The following KDM1B variants were observed in gnomAD, a reference collection of about 807,000 sequenced individuals.
The protein encoded by KDM1B is lysine-specific histone demethylase 2.
Under a neutral mutation model 107.4 loss-of-function variants are expected in KDM1B, and 63 were observed. The observed-to-expected ratio is 0.59, with a 90% CI of 0.48 to 0.72. The LOEUF (loss-of-function observed/expected upper bound fraction) is 0.72. Ranked by LOEUF, KDM1B falls within the 30% of genes least tolerant of loss-of-function variation. The pLI, the probability that KDM1B is intolerant of heterozygous loss-of-function variation, is 0.00. For missense variants in KDM1B, 749 were observed against 1,020.8 expected (o/e 0.73, Z 3.63); for synonymous variants, 363 against 363.9 (o/e 1.00, Z 0.03).
Position 18,222,610 on chromosome 6 carries a change from C to A in KDM1B, c.*618C>A, listed in dbSNP as rs1789845227. The A allele has an allele frequency of 6.1e-6, 1 of 164,346 alleles. No homozygotes were observed. Among genetic ancestry groups the A allele is most frequent in the Admixed American group, 6.0e-5 (1 of 16,594 alleles). 10.2% of individuals were successfully genotyped at this position (164,346 alleles called of 1,614,324 possible). On this transcript the variant is annotated 3_prime_UTR_variant, in exon 22 of 22. Coordinates refer to ENST00000650836, the MANE Select transcript of KDM1B (RefSeq NM_001364614.2). Reference sequence around the variant, plus strand: ...TCAAAAGAAATTTAAATTCAAGTACCTTTTGTGATAAAATGTTTTAGATTT... The same window carrying A: ...TCAAAAGAAATTTAAATTCAAGTACATTTTGTGATAAAATGTTTTAGATTT...
chr6:18,219,654 G>A (rs1789525049), intron 21 of KDM1B, among the ~76,000 whole-genome samples: 1 of 152,056 alleles, frequency 6.6e-6, no homozygotes, highest in Non-Finnish European at 1.5e-5. Flanking sequence ...TTCTTATTTT[G>A]TGTGCTGCAG....
intron 20 of KDM1B, among the ~76,000 whole-genome samples, chr6:18,216,257 T>C (rs752395090): frequency 7.2e-5 from 11 of 152,170 alleles, no homozygotes; most frequent in Non-Finnish European, 1.5e-4. Context: ...ATTTTTGTAT[T>C]TTTGGTAGAG....
Position 18,197,666 on chromosome 6 carries a change from G to C in KDM1B, c.1221+5G>C. ...CTGCATAACTTTGGAATTAAGGTAGGATTTTGGGGACATGGAGTTAGAACA... is the reference window on the plus strand; with the variant it reads ...CTGCATAACTTTGGAATTAAGGTAGCATTTTGGGGACATGGAGTTAGAACA... On this transcript the variant is annotated splice_donor_5th_base_variant and intron_variant, in intron 12 of 21. Coordinates refer to ENST00000650836, the MANE Select transcript of KDM1B (RefSeq NM_001364614.2). The surrounding 1 kb of genome is among the most constrained non-coding windows in gnomAD (Gnocchi z 4.5). The C allele has an allele frequency of 6.2e-7, 1 of 1,612,302 alleles. No individual in the cohort carries two copies. Among genetic ancestry groups the C allele is most frequent in the South Asian group, 1.1e-5 (1 of 90,998 alleles).
chr6:18,218,385 A>T (rs1789412911), intron 21 of KDM1B, among the ~76,000 whole-genome samples: 1 of 152,044 alleles, frequency 6.6e-6, no homozygotes, highest in East Asian at 1.9e-4. Context: ...AGCCTCCCAG[A>T]GTGTTAGGAT....
intron 10 of KDM1B, among the ~76,000 whole-genome samples, chr6:18,192,154 TAGG>T (rs1446879875): frequency 6.6e-6 from 1 of 152,010 alleles, no homozygotes; most frequent in Non-Finnish European, 1.5e-5. Context: ...CCTAGCTACT[TAGG>T]AGGCTGAGAC....
In KDM1B at chr6:18,205,725, G is replaced by A. The variant is rs113461445; in HGVS notation, c.1659+61G>A. The A allele has an allele frequency of 3.1e-4, 442 of 1,418,346 alleles. 2 individuals are homozygous for A. The African/African-American group carries it at 5.8e-3, about 19-fold the overall frequency. The allele number at this position is 1,418,346 out of a possible 1,614,324, so 87.9% of individuals were successfully genotyped here. A position where few individuals can be genotyped will look rare whatever the true frequency, so the allele number is the denominator to read the frequency against. ...ATACTTGGTTTAGGCCGGGCGCAGT[G>A]GCTCACGCCTGTAATCCCAGCACTT... is the stretch of plus-strand genomic sequence containing the variant. On this transcript the variant is annotated intron_variant, in intron 15 of 21. Coordinates refer to ENST00000650836, the MANE Select transcript of KDM1B (RefSeq NM_001364614.2). The surrounding 1 kb of genome is among the most constrained non-coding windows in gnomAD (Gnocchi z 5.7).
At chr6:18,167,534 C>T (rs1409555957) in intron 6 of KDM1B, among the ~76,000 whole-genome samples, 1 of 151,508 alleles carries the variant, frequency 6.6e-6, no homozygotes, top group Non-Finnish European at 1.5e-5. Flanking sequence ...AGTGCAGTGG[C>T]ACAATCTTAG....
At chr6:18,210,849 A>G (rs570708433) in intron 17 of KDM1B, among the ~76,000 whole-genome samples, 18 of 152,220 alleles carry the variant, frequency 1.2e-4, no homozygotes, top group Admixed American at 1.0e-3. Context: ...ACATAAAAAA[A>G]TTATCTGGGC....
At chr6:18,178,576 A>G (rs1174338296) in intron 7 of KDM1B, among the ~76,000 whole-genome samples, 1 of 151,694 alleles carries the variant, frequency 6.6e-6, no homozygotes, top group Admixed American at 6.6e-5. Flanking sequence ...GTATTTTAGT[A>G]GAGACAGGGC....
In KDM1B at chr6:18,213,539, G is replaced by A; in HGVS notation, c.1984-117G>A. ...GAGAATGGAAAGAGCGGTATTTGGG[G>A]TTGTTCTTTCGGGCAGTGTCTTTGT... On this transcript the variant is annotated intron_variant, in intron 18 of 21. Coordinates refer to ENST00000650836, the MANE Select transcript of KDM1B (RefSeq NM_001364614.2). This position sits in a 1 kb window ranked among gnomAD's most constrained non-coding sequence, Gnocchi z 5.9. 2 of 955,920 alleles carry A rather than the reference G, an allele frequency of 2.1e-6. No individual in the cohort carries two copies. The highest frequency in any genetic ancestry group is 1.6e-6 in the Non-Finnish European group (1 of 608,360). 59.2% of individuals were successfully genotyped at this position (955,920 alleles called of 1,614,324 possible).
intron 7 of KDM1B, among the ~76,000 whole-genome samples, chr6:18,178,815 G>T (rs1786227220): frequency 6.6e-6 from 1 of 152,202 alleles, no homozygotes; most frequent in Admixed American, 6.5e-5. Context: ...AAGTTTCATA[G>T]ATCTTTTTCA....
rs556899550 is a variant in KDM1B, at chr6:18,209,628, C to G, written c.1866+1422C>G. Among the ~76,000 whole-genome samples the G allele has an allele frequency of 2.0e-4, 30 of 152,218 alleles. No homozygotes were observed. The South Asian group carries it at 5.6e-3, about 28-fold the overall frequency. On this transcript the variant is annotated intron_variant, in intron 17 of 21. Coordinates refer to ENST00000650836, the MANE Select transcript of KDM1B (RefSeq NM_001364614.2). This position sits in a 1 kb window ranked among gnomAD's most constrained non-coding sequence, Gnocchi z 4.3. ...CTTTTTTGTTTGTTTTTTTCAGAGA[C>G]AGGGTCTCAGTCTGTCGCCCAGGCT...
At chr6:18,202,179 C>T (rs774788818) in intron 14 of KDM1B, among the ~76,000 whole-genome samples, 1 of 151,536 alleles carries the variant, frequency 6.6e-6, no homozygotes, top group African/African-American at 2.4e-5. Context: ...CGGGGAAGAT[C>T]ACTTGAGTCC....
In KDM1B at chr6:18,209,516, G is replaced by A. The variant is rs558991549; in HGVS notation, c.1866+1310G>A. 5.3e-5 allele frequency among the ~76,000 whole-genome samples: 8 copies of A among 152,182 alleles called. No individual in the cohort carries two copies. The highest frequency in any genetic ancestry group is 1.4e-4 in the African/African-American group (6 of 41,446). On this transcript the variant is annotated intron_variant, in intron 17 of 21. Coordinates refer to ENST00000650836, the MANE Select transcript of KDM1B (RefSeq NM_001364614.2). This position sits in a 1 kb window ranked among gnomAD's most constrained non-coding sequence, Gnocchi z 4.3. Reference sequence around the variant, plus strand: ...TCGGAGATCTTGGGCAGCAATCCCCGGGCTGCACGTCGGAACCACCTGGGA... The same window carrying A: ...TCGGAGATCTTGGGCAGCAATCCCCAGGCTGCACGTCGGAACCACCTGGGA...
In KDM1B at chr6:18,202,018, G is replaced by C. The variant is rs214611; in HGVS notation, c.1531+361G>C. On this transcript the variant is annotated intron_variant, in intron 14 of 21. Transcript: ENST00000650836. ...CCCTGTAATGTCTTTTCTAGGTAAGGGTTTGTGTGTGCCAGGATTTCTTTT... is the reference window on the plus strand; with the variant it reads ...CCCTGTAATGTCTTTTCTAGGTAAGCGTTTGTGTGTGCCAGGATTTCTTTT... Among the ~76,000 whole-genome samples, 1,283 of 152,114 alleles carry C rather than the reference G, an allele frequency of 8.4e-3. 7 individuals are homozygous for C. Among genetic ancestry groups the C allele is most frequent in the Non-Finnish European group, 0.013 (907 of 67,992 alleles).
chr6:18,208,594 T>G, intron 17 of KDM1B, among the ~76,000 whole-genome samples: 1 of 67,050 alleles, frequency 1.5e-5, no homozygotes. Flanking sequence ...TAAATAGAAG[T>G]ATGTGTATGT....
intron 17 of KDM1B, among the ~76,000 whole-genome samples, chr6:18,208,630 T>TATATATAA (rs1561949849): frequency 5.1e-5 from 1 of 19,432 alleles, no homozygotes; most frequent in Non-Finnish European, 9.1e-5. Flanking sequence ...TATATATATT[T>TATATATAA]TTTTTTTTTT....
In KDM1B at chr6:18,207,419, C is replaced by A; in HGVS notation, c.1681C>A (p.His561Asn). 6.2e-7 allele frequency: 1 copy of A among 1,614,180 alleles called. No individual in the cohort carries two copies. Among genetic ancestry groups the A allele is most frequent in the Non-Finnish European group, 8.5e-7 (1 of 1,180,012 alleles). The change falls in exon 16 of 22, where the codon CAC becomes AAC. Residue 561 changes from histidine to asparagine, a missense_variant. Transcript: ENST00000650836. ...LHQVSARSWD[H>N]NEFFAQFAGD... ...CCAGGTATCTGCTCGCTCGTGGGAC[C>A]ACAATGAATTCTTTGCCCAGTTTGC...
At position 18,204,479 on chromosome 6, in the gene KDM1B, A is replaced by G. The variant is rs922183538; in HGVS notation, c.1532-1058A>G. Among the ~76,000 whole-genome samples, 15 of 152,144 alleles carry G rather than the reference A, an allele frequency of 9.9e-5. No homozygotes were observed. The highest frequency in any genetic ancestry group is 9.8e-4 in the Admixed American group (15 of 15,278). On this transcript the variant is annotated intron_variant, in intron 14 of 21. Transcript: ENST00000650836. This position sits in a 1 kb window ranked among gnomAD's most constrained non-coding sequence, Gnocchi z 4.9. The stretch of plus-strand genomic sequence containing the variant: ...ACATGGTGAGACCCTATCTCAGGAA[A>G]AAAAAGAAAAAGAAAACACCACCAG...
Sources: allele counts gnomAD v4.1 joint callset (sites outside exome capture counted in the v4.1 genomes callset), GRCh38; gene constraint gnomAD v4.1.1; non-coding constraint Gnocchi (gnomAD v3.1); transcripts MANE v1.5; gene names NCBI Gene and HGNC (gene_info 2026-07-23, HGNC 2026-07-21).